DIAPH2: variants seen among roughly 807,000 people sequenced by gnomAD.
The protein encoded by DIAPH2 is diaphanous related formin 2, also known as protein diaphanous homolog 2.
In DIAPH2, 35 loss-of-function variants were observed where a neutral mutation model predicts 92.7. That is an observed-to-expected ratio of 0.38 (90% CI 0.29 to 0.50). The LOEUF is 0.50. DIAPH2 is among the 20% of genes least tolerant of loss of function. DIAPH2 has a pLI of 0.94. For missense variants in DIAPH2, 701 were observed against 819.5 expected (o/e 0.86, Z 1.77); for synonymous variants, 301 against 280.4 (o/e 1.07, Z -0.73).
chrX:97,270,816 T>A (rs974286296), intron 23 of DIAPH2, among the ~76,000 whole-genome samples: 1 of 110,184 alleles, frequency 9.1e-6, no homozygotes, highest in African/African-American at 3.3e-5. Context: ...TTGGAAAACA[T>A]CTCCCATGCC....
chrX:96,992,792 TAAC>T (rs2066081042), intron 17 of DIAPH2, among the ~76,000 whole-genome samples: 2 of 112,087 alleles, frequency 1.8e-5, no homozygotes, highest in African/African-American at 6.5e-5. Flanking sequence ...CAGGTAGAAT[TAAC>T]AAGAGACTTT....
chrX:97,461,283 T>A (rs2070456527), intron 26 of DIAPH2, among the ~76,000 whole-genome samples: 1 of 110,116 alleles, frequency 9.1e-6, no homozygotes. Flanking sequence ...GTGAATTTAA[T>A]AGGCTATGTT....
rs543776716 is a variant in DIAPH2 at position 97,165,588 on chromosome X, G to A, written c.2719+23794G>A. The stretch of plus-strand genomic sequence containing the variant: ...GGCTCACTGCAACCTCTGTCCCCCG[G>A]GCTCAAGGGATTCTCCTGCCTCAGC... On this transcript the variant is annotated intron_variant, in intron 22 of 26. Coordinates refer to ENST00000324765, the MANE Select transcript of DIAPH2 (RefSeq NM_006729.5). 1.9e-4 allele frequency among the ~76,000 whole-genome samples: 21 copies of A among 110,607 alleles called. No homozygotes were observed. In the South Asian group the frequency reaches 8.2e-3, roughly 43 times the overall value.
At chrX:97,197,745 A>T (rs189628546) in intron 22 of DIAPH2, among the ~76,000 whole-genome samples, 11 of 111,960 alleles carry the variant, frequency 9.8e-5, no homozygotes, top group African/African-American at 2.9e-4. Context: ...TAGTAGCTTC[A>T]GCTTAACAAA....
rs889717906 is a variant in DIAPH2, at chrX:96,837,712, C to G, written c.448-43867C>G. On this transcript the variant is annotated intron_variant, in intron 4 of 26. Transcript: ENST00000324765. ...AAAACGTTTATGCCACTTTCAGGAACAGATATATTGTATCATAATGCGATA... is the reference window on the plus strand; with the variant it reads ...AAAACGTTTATGCCACTTTCAGGAAGAGATATATTGTATCATAATGCGATA... Among the ~76,000 whole-genome samples the G allele has an allele frequency of 6.3e-5, 7 of 111,210 alleles. No homozygotes were observed. The Admixed American group carries it at 6.8e-4, about 11-fold the overall frequency.
intron 19 of DIAPH2, among the ~76,000 whole-genome samples, chrX:97,079,853 AAG>A (rs1291908996): frequency 5.4e-5 from 6 of 111,664 alleles, no homozygotes; most frequent in Non-Finnish European, 1.1e-4. Context: ...AGTGATGAAT[AAG>A]AGAATGAGAT....
intron 4 of DIAPH2, among the ~76,000 whole-genome samples, chrX:96,768,235 T>C (rs762446842): frequency 8.9e-6 from 1 of 112,210 alleles, no homozygotes; most frequent in Non-Finnish European, 1.9e-5. Flanking sequence ...GCAAACATTG[T>C]AATGACCAGA....
At chrX:97,033,424 A>G (rs1423540076) in intron 17 of DIAPH2, among the ~76,000 whole-genome samples, 1 of 111,676 alleles carries the variant, frequency 9.0e-6, no homozygotes, top group Non-Finnish European at 1.9e-5. Context: ...TTGAAAGGTC[A>G]TCTCCATTAG....
chrX:96,775,391 G>GTGTGTGTGTGTGTGTA (rs1282545608), intron 4 of DIAPH2, among the ~76,000 whole-genome samples: 1 of 101,399 alleles, frequency 9.9e-6, no homozygotes, highest in Non-Finnish European at 2.0e-5. Context: ...GTGTGTGTGT[G>GTGTGTGTGTGTGTGTA]TATACTTCCT....
At chrX:97,131,514 G>C (rs1267651397) in intron 21 of DIAPH2, among the ~76,000 whole-genome samples, 4 of 111,175 alleles carry the variant, frequency 3.6e-5, no homozygotes, top group Non-Finnish European at 7.5e-5. Context: ...GAGTCCTATG[G>C]ACTCTTTTGG....
chrX:97,457,767 T>C (rs1167039637), intron 26 of DIAPH2, among the ~76,000 whole-genome samples: 1 of 112,108 alleles, frequency 8.9e-6, no homozygotes, highest in Non-Finnish European at 1.9e-5. Context: ...GTGAGGCCTT[T>C]GGAAAGTGAT....
At chrX:97,044,859 G>T (rs963112873) in intron 17 of DIAPH2, among the ~76,000 whole-genome samples, 2 of 111,223 alleles carry the variant, frequency 1.8e-5, no homozygotes, top group Non-Finnish European at 3.8e-5. Context: ...CTCACTCTCA[G>T]TCCCTTCCGA....
At position 96,727,969 on chromosome X, in the gene DIAPH2, G is replaced by A. The variant is rs749520496; in HGVS notation, c.133-7789G>A. Among the ~76,000 whole-genome samples the A allele has an allele frequency of 3.8e-5, 4 of 106,472 alleles. No homozygotes were observed. In the East Asian group the frequency reaches 9.0e-4, roughly 24 times the overall value. 92.5% of individuals were successfully genotyped at this position (106,472 alleles called of 115,157 possible). ...CTGAGGCAGGGAATTGCTTGAATCCGGGAGGTGGAGGTTGCAGTGAGCCGA... is the reference window on the plus strand; with the variant it reads ...CTGAGGCAGGGAATTGCTTGAATCCAGGAGGTGGAGGTTGCAGTGAGCCGA... On this transcript the variant is annotated intron_variant, in intron 1 of 26. Transcript: ENST00000324765.
chrX:96,900,444 A>C (rs1278518768), intron 5 of DIAPH2, among the ~76,000 whole-genome samples: 2 of 110,954 alleles, frequency 1.8e-5, no homozygotes, highest in Non-Finnish European at 1.9e-5. Flanking sequence ...CCTCTTTTCC[A>C]ATTTGGATGC....
intron 26 of DIAPH2, among the ~76,000 whole-genome samples, chrX:97,545,728 T>G (rs1157611184): frequency 2.8e-5 from 3 of 109,088 alleles, no homozygotes; most frequent in Non-Finnish European, 5.7e-5. Context: ...AGCTGCTCAT[T>G]AAATCTTGAT....
At chrX:96,907,555 T>TA (rs1295280482) in intron 5 of DIAPH2, among the ~76,000 whole-genome samples, 2 of 112,082 alleles carry the variant, frequency 1.8e-5, no homozygotes, top group Non-Finnish European at 3.8e-5. Context: ...AACTGCTACT[T>TA]ACTTGTTGAG....
Position 97,164,780 on chromosome X carries a change from A to G in DIAPH2, c.2719+22986A>G, listed in dbSNP as rs766243622. Among the ~76,000 whole-genome samples, 5 of 112,252 alleles carry G rather than the reference A, an allele frequency of 4.5e-5. No individual in the cohort carries two copies. The South Asian group carries it at 1.1e-3, about 25-fold the overall frequency. ...GTAGTGTTTTACAACTTTTTGAAAC[A>G]TGAACGATGGGTTAGGATTTTATAC... On this transcript the variant is annotated intron_variant, in intron 22 of 26. Transcript: ENST00000324765.
In DIAPH2 at chrX:97,191,101, G is replaced by A. The variant is rs1278264864; in HGVS notation, c.2719+49307G>A. ...CCCAGCACTTTGAGAGGCCCAGGCA[G>A]GCGGATCACCTGAGGTCAGGAGTTC... On this transcript the variant is annotated intron_variant, in intron 22 of 26. Coordinates refer to ENST00000324765, the MANE Select transcript of DIAPH2 (RefSeq NM_006729.5). 5.4e-5 allele frequency among the ~76,000 whole-genome samples: 6 copies of A among 110,464 alleles called. No individual in the cohort carries two copies. The East Asian group carries it at 1.7e-3, about 32-fold the overall frequency.
intron 4 of DIAPH2, among the ~76,000 whole-genome samples, chrX:96,761,004 A>G (rs930530821): frequency 5.4e-5 from 6 of 110,489 alleles, no homozygotes; most frequent in Non-Finnish European, 1.1e-4. Flanking sequence ...TTGACCACAA[A>G]TAACCTGGAA....
Sources: gnomAD v4.1 joint callset for allele counts (sites outside exome capture counted in the v4.1 genomes callset) on GRCh38, gnomAD v4.1.1 for gene constraint, MANE v1.5 for transcripts, NCBI Gene and HGNC (gene_info 2026-07-23, HGNC 2026-07-21) for gene names.